The following GAD2 variants were observed in gnomAD, a reference collection of about 807,000 sequenced individuals.
The protein encoded by GAD2 is glutamate decarboxylase 2, also known as 65 kDa glutamic acid decarboxylase.
In GAD2, 22 loss-of-function variants were observed where a neutral mutation model predicts 80.1. The ratio of observed to expected loss-of-function variants is 0.27; its 90% CI spans 0.20 to 0.39. The LOEUF (loss-of-function observed/expected upper bound fraction) is 0.39. GAD2 is among the 10% of genes least tolerant of loss of function. GAD2 has a pLI of 1.00. For missense variants in GAD2, 624 were observed against 738.4 expected, an observed-to-expected ratio of 0.85 and a Z score of 1.80; for synonymous variants, 274 against 256.9, an observed-to-expected ratio of 1.07 and a Z score of -0.64.
intron 8 of GAD2, among the ~76,000 whole-genome samples, chr10:26,267,192 A>G (rs1845082743): frequency 6.6e-6 from 1 of 152,250 alleles, no homozygotes; most frequent in African/African-American, 2.4e-5. Context: ...AAAGTTGGGT[A>G]AAATTCAAGA....
At chr10:26,219,319 A>G in intron 4 of GAD2, 43 bp downstream of exon 4, 1 of 1,247,580 alleles carries the variant, frequency 8.0e-7, no homozygotes, top group South Asian at 1.4e-5. Context: ...TTTCGTTTAC[A>G]ATTTTTATTT....
intron 8 of GAD2, among the ~76,000 whole-genome samples, chr10:26,265,979 A>G (rs1173853168): frequency 6.6e-6 from 1 of 152,188 alleles, no homozygotes; most frequent in Non-Finnish European, 1.5e-5. Context: ...CACATATGAG[A>G]AGTACTTAGT....
intron 6 of GAD2, among the ~76,000 whole-genome samples, chr10:26,229,221 A>G (rs532400665): frequency 6.6e-6 from 1 of 151,920 alleles, no homozygotes; most frequent in East Asian, 1.9e-4. Flanking sequence ...GTTGATTAGC[A>G]GCTTACACCA....
intron 15 of GAD2, among the ~76,000 whole-genome samples, chr10:26,298,657 G>A (rs1287529993): frequency 6.6e-6 from 1 of 152,128 alleles, no homozygotes; most frequent in East Asian, 1.9e-4. Flanking sequence ...GTAAAGCTCT[G>A]TCATTATTTT....
chr10:26,224,809 T>C, intron 6 of GAD2, 158 bp downstream of exon 6: 1 of 598,174 alleles, frequency 1.7e-6, no homozygotes, highest in South Asian at 2.1e-5. Context: ...CACATGACCA[T>C]TGAACATGCC....
At chr10:26,267,758 C>G (rs74126406) in intron 8 of GAD2, among the ~76,000 whole-genome samples, 1 of 151,766 alleles carries the variant, frequency 6.6e-6, no homozygotes, top group Non-Finnish European at 1.5e-5. Flanking sequence ...TGTCACGCCT[C>G]CTTTATTGGC....
chr10:26,255,953 C>T (rs2132295286), intron 8 of GAD2, among the ~76,000 whole-genome samples: 1 of 152,168 alleles, frequency 6.6e-6, no homozygotes, highest in Non-Finnish European at 1.5e-5. Context: ...TGGGCTTAGC[C>T]TATGTTGACA....
At chr10:26,257,342 C>A (rs7918935) in intron 8 of GAD2, among the ~76,000 whole-genome samples, 56,945 of 152,008 alleles carry the variant, frequency 0.37, 12,439 homozygotes, top group African/African-American at 0.61. Context: ...GCACCACTGC[C>A]CTCCAGCCTG....
At chr10:26,244,968 A>G (rs1844786644) in intron 7 of GAD2, among the ~76,000 whole-genome samples, 1 of 152,102 alleles carries the variant, frequency 6.6e-6, no homozygotes, top group South Asian at 2.1e-4. Context: ...CCTGGCCAAC[A>G]TGGTGAAACC....
At position 26,300,950 on chromosome 10, in the gene GAD2, C is replaced by A. The variant is rs1243932259; in HGVS notation, c.1747C>A (p.Gln583Lys). ...FLIEEIERLG[Q>K]DL ...GATTGAAGAAATAGAACGCCTTGGACAAGATTTATAATAACCTTGCTCACC... is the reference window on the plus strand; with the variant it reads ...GATTGAAGAAATAGAACGCCTTGGAAAAGATTTATAATAACCTTGCTCACC... The change falls in exon 16 of 16, where the codon CAA becomes AAA. Residue 583 changes from glutamine to lysine, a missense_variant. Coordinates refer to ENST00000376261, the MANE Select transcript of GAD2 (RefSeq NM_001134366.2). 6.2e-7 allele frequency: 1 copy of A among 1,613,564 alleles called. No individual in the cohort carries two copies. The highest frequency in any genetic ancestry group is 8.5e-7 in the Non-Finnish European group (1 of 1,179,596).
At chr10:26,223,106 A>T (rs1423809126) in intron 4 of GAD2, among the ~76,000 whole-genome samples, 1 of 152,238 alleles carries the variant, frequency 6.6e-6, no homozygotes, top group African/African-American at 2.4e-5. Context: ...TCTAGAAGTT[A>T]ATTAGATAAG....
rs1204006170 is a variant in GAD2, at chr10:26,273,689, T to A, written c.1146T>A (p.Ser382Arg). 5.0e-6 allele frequency: 8 copies of A among 1,613,550 alleles called. No homozygotes were observed. Among genetic ancestry groups the A allele is most frequent in the Non-Finnish European group, 6.8e-6 (8 of 1,179,792 alleles). Residue 382 changes from serine (S) to arginine (R), a missense_variant, in exon 11 of 16, where the codon AGT becomes AGA. Transcript: ENST00000376261. ...LMSRKHKWKL[S>R]GVERANSVTW... ...CCCGAAAACACAAGTGGAAACTGAG[T>A]GGCGTGGAGAGGTATGTTGCATTTT...
chr10:26,236,754 C>G lies in GAD2; in HGVS notation c.840+6977C>G, dbSNP rs79156593. ...ACTTCCACAAAATGTATTGCTCCCC[C>G]CTTAGTCGGAACTGACAGTGAGTGA... On this transcript the variant is annotated intron_variant, in intron 7 of 15. Coordinates refer to ENST00000376261, the MANE Select transcript of GAD2 (RefSeq NM_001134366.2). Among the ~76,000 whole-genome samples the G allele has an allele frequency of 3.6e-3, 545 of 152,300 alleles. 2 individuals carry two copies. The highest frequency in any genetic ancestry group is 0.012 in the African/African-American group (513 of 41,556).
intron 6 of GAD2, among the ~76,000 whole-genome samples, chr10:26,228,864 G>A (rs1338247874): frequency 2.0e-5 from 3 of 151,856 alleles, no homozygotes; most frequent in East Asian, 1.9e-4. Flanking sequence ...CATCACTGCT[G>A]CCAAAAAGGT....
intron 3 of GAD2, among the ~76,000 whole-genome samples, chr10:26,218,534 C>T (rs2132268356): frequency 1.1e-5 from 1 of 88,524 alleles, no homozygotes; most frequent in Middle Eastern, 5.6e-3. Context: ...CACATGCATA[C>T]GCTCTCTCTC....
chr10:26,245,230 G>A (rs184897282), intron 7 of GAD2, among the ~76,000 whole-genome samples: 6 of 150,690 alleles, frequency 4.0e-5, no homozygotes, highest in Admixed American at 1.3e-4. Context: ...TTGGGGGTGT[G>A]GGGGGAGGGA....
At chr10:26,230,478 T>C (rs1212584764) in intron 7 of GAD2, among the ~76,000 whole-genome samples, 1 of 152,174 alleles carries the variant, frequency 6.6e-6, no homozygotes, top group Non-Finnish European at 1.5e-5. Flanking sequence ...ACCCAGACTG[T>C]AGTGCAGTGG....
At chr10:26,222,456 G>A (rs1844464618) in intron 4 of GAD2, among the ~76,000 whole-genome samples, 1 of 152,052 alleles carries the variant, frequency 6.6e-6, no homozygotes, top group African/African-American at 2.4e-5. Flanking sequence ...GGAAATGGCT[G>A]TGATTTCAGC....
Position 26,245,952 on chromosome 10 carries a change from C to G in GAD2, c.872C>G (p.Ala291Gly). The G allele has an allele frequency of 6.2e-7, 1 of 1,613,956 alleles. No homozygotes were observed. The highest frequency in any genetic ancestry group is 8.5e-7 in the Non-Finnish European group (1 of 1,179,904). Residue 291 changes from alanine (A) to glycine (G), a missense_variant, in exon 8 of 16, where the codon GCC (alanine) becomes GGC (glycine). Transcript: ENST00000376261. ...SHFSLKKGAAALGIGTDSVIL... is the reference protein window; with the variant it reads ...SHFSLKKGAAGLGIGTDSVIL... Reference sequence around the variant, plus strand: ...TTTTCTCTCAAGAAGGGAGCTGCAGCCTTAGGGATTGGAACAGACAGCGTG... The same window carrying G: ...TTTTCTCTCAAGAAGGGAGCTGCAGGCTTAGGGATTGGAACAGACAGCGTG...
Sources: allele counts gnomAD v4.1 joint callset (sites outside exome capture counted in the v4.1 genomes callset), GRCh38; gene constraint gnomAD v4.1.1; transcripts MANE v1.5; gene names NCBI Gene and HGNC (gene_info 2026-07-23, HGNC 2026-07-21).